The following TANC1 variants were observed in gnomAD, a reference collection of about 807,000 sequenced individuals.
TANC1 encodes the protein protein TANC1.
A neutral mutation model predicts 149.7 loss-of-function variants in TANC1; 77 were observed. That is an observed-to-expected ratio of 0.51 (90% CI 0.43 to 0.62). The LOEUF is 0.62. Among genes scored for constraint, TANC1 ranks in the 20% least tolerant of loss-of-function variants. The pLI is 0.00. For synonymous variants in TANC1, 854 were observed against 925.0 expected (o/e 0.92, Z 1.39); for missense variants, 1,985 against 2,321.8 (o/e 0.85, Z 2.98).
At position 159,058,506 on chromosome 2, in the gene TANC1, C is replaced by T. The variant is rs545790743; in HGVS notation, c.-15-7390C>T. 2.6e-5 allele frequency among the ~76,000 whole-genome samples: 4 copies of T among 152,218 alleles called. No individual in the cohort carries two copies. In the South Asian group the frequency reaches 8.3e-4, roughly 32 times the overall value. On this transcript the variant is annotated intron_variant, in intron 2 of 26. Coordinates refer to ENST00000263635, the MANE Select transcript of TANC1 (RefSeq NM_033394.3). Reference sequence around the variant, plus strand: ...TGTGTGTAAGGTACATTGCTAGATGCCATGGGGGATTTGTGGAGTTCAACA... The same window carrying T: ...TGTGTGTAAGGTACATTGCTAGATGTCATGGGGGATTTGTGGAGTTCAACA...
chr2:159,042,745 A>G (rs1433721323), intron 2 of TANC1, among the ~76,000 whole-genome samples: 1 of 151,978 alleles, frequency 6.6e-6, no homozygotes, highest in African/African-American at 2.4e-5. Flanking sequence ...AGGGGGTTTC[A>G]GGTTGAGGGA....
In TANC1 at chr2:159,174,862, G is replaced by T. The variant is rs140004068; in HGVS notation, c.1504-91G>T. 8.4e-6 allele frequency: 8 copies of T among 957,086 alleles called. No individual in the cohort carries two copies. In the African/African-American group the frequency reaches 1.3e-4, roughly 15 times the overall value. 59.3% of individuals were successfully genotyped at this position (957,086 alleles called of 1,614,324 possible). A position where few individuals can be genotyped will look rare whatever the true frequency, so the allele number is the denominator to read the frequency against. ...ATAGATGCTATGTATCTTGTTACCA[G>T]CGAATGGGCAGAGTTGTGTTCCTGT... On this transcript the variant is annotated intron_variant, in intron 11 of 26. Transcript: ENST00000263635.
At chr2:159,175,679 G>A (rs1243284057) in intron 12 of TANC1, among the ~76,000 whole-genome samples, 2 of 152,186 alleles carry the variant, frequency 1.3e-5, no homozygotes, top group African/African-American at 4.8e-5. Context: ...GGGCCCTTCA[G>A]TTTCCCATCC....
At chr2:158,980,595 T>A (rs1292615171) in intron 1 of TANC1, among the ~76,000 whole-genome samples, 3 of 151,942 alleles carry the variant, frequency 2.0e-5, no homozygotes, top group Non-Finnish European at 4.4e-5. Context: ...GCTAACACGG[T>A]GAAACCCCGT....
chr2:159,136,047 T>TGTGTGTGTGTGTGTGTGTGTGTGA, intron 4 of TANC1, 147 bp from the exon 5 acceptor site: 2 of 210,232 alleles, frequency 9.5e-6, no homozygotes, highest in Non-Finnish European at 1.8e-5. Context: ...TGTGTGTGTG[T>TGTGTGTGTGTGTGTGTGTGTGTGA]GTGCGCGCGC....
chr2:159,062,973 C>CCAAAAAAAAAAAAAAAAAAAAA (rs770866772), intron 2 of TANC1, among the ~76,000 whole-genome samples: 4 of 41,206 alleles, frequency 9.7e-5, no homozygotes, highest in Non-Finnish European at 2.1e-4. Context: ...GACTCCGTCT[C>CCAAAAAAAAAAAAAAAAAAAAA]AAAAAAAAAA....
intron 2 of TANC1, among the ~76,000 whole-genome samples, chr2:159,030,315 AT>A (rs2039675887): frequency 6.6e-6 from 1 of 152,216 alleles, no homozygotes; most frequent in Admixed American, 6.5e-5. Flanking sequence ...TACAAAAATA[AT>A]CTTTGACCAG....
intron 4 of TANC1, among the ~76,000 whole-genome samples, chr2:159,122,886 T>G (rs2049006513): frequency 6.6e-6 from 1 of 152,108 alleles, no homozygotes; most frequent in South Asian, 2.1e-4. Flanking sequence ...TATATTTTGT[T>G]TTTTAAGTTT....
Position 159,104,226 on chromosome 2 carries a change from A to G in TANC1, c.259+6392A>G, listed in dbSNP as rs1463090790. On this transcript the variant is annotated intron_variant, in intron 4 of 26. Transcript: ENST00000263635. ...ACGTGACGCACAGATTTTCTGTTGT[A>G]CTTGAACATGTGTTCATACATAGAA... Among the ~76,000 whole-genome samples, 3 of 96,104 alleles carry G rather than the reference A, an allele frequency of 3.1e-5. 1 individual carries two copies. Among genetic ancestry groups the G allele is most frequent in the African/African-American group, 8.7e-5 (3 of 34,662 alleles). The allele number at this position is 96,104 out of a possible 152,430, so 63.0% of individuals were successfully genotyped here.
intron 1 of TANC1, among the ~76,000 whole-genome samples, chr2:158,971,825 C>G (rs1169493833): frequency 2.0e-5 from 3 of 152,152 alleles, no homozygotes; most frequent in African/African-American, 7.2e-5. Flanking sequence ...TTTGAATAAA[C>G]CAAGGCCTAG....
rs551342699 is a variant in TANC1 at position 159,061,281 on chromosome 2, AC to A, written c.-15-4609del. 2.8e-3 allele frequency among the ~76,000 whole-genome samples: 425 copies of A among 152,184 alleles called. 1 individual carries two copies. The highest frequency in any genetic ancestry group is 9.6e-3 in the African/African-American group (398 of 41,534). On this transcript the variant is annotated intron_variant, in intron 2 of 26. Transcript: ENST00000263635. ...CTTTTGTTGGGGCTCAGGACAGGAT[AC>A]CCCCCAATATGGCACCTTGGCATAT... is the stretch of plus-strand genomic sequence containing the variant.
intron 16 of TANC1, among the ~76,000 whole-genome samples, chr2:159,193,233 G>A (rs773568844): frequency 2.6e-5 from 4 of 152,084 alleles, no homozygotes; most frequent in Admixed American, 2.0e-4. Context: ...GTTCTTTTGC[G>A]TCTGGCTTGC....
At chr2:159,010,393 C>G (rs1393708015) in intron 2 of TANC1, among the ~76,000 whole-genome samples, 1 of 152,072 alleles carries the variant, frequency 6.6e-6, no homozygotes, top group African/African-American at 2.4e-5. Context: ...TCTGGGGTTG[C>G]TAGGAGTCCT....
At chr2:159,007,134 T>A (rs937508932) in intron 2 of TANC1, among the ~76,000 whole-genome samples, 7 of 146,082 alleles carry the variant, frequency 4.8e-5, no homozygotes, top group Non-Finnish European at 1.1e-4. Flanking sequence ...TTATCTTTAA[T>A]ACTGTTTTTT....
chr2:159,133,088 GAAAT>G (rs1204828720), intron 4 of TANC1, among the ~76,000 whole-genome samples: 1 of 152,168 alleles, frequency 6.6e-6, no homozygotes, highest in Non-Finnish European at 1.5e-5. Context: ...TTGGAGCTTG[GAAAT>G]AGATCTCTTT....
At chr2:159,189,447 C>T (rs547488878) in intron 16 of TANC1, among the ~76,000 whole-genome samples, 144 of 152,224 alleles carry the variant, frequency 9.5e-4, no homozygotes, top group African/African-American at 3.3e-3. Context: ...GAGTTCTTGT[C>T]GTTTCTGAAG....
intron 3 of TANC1, among the ~76,000 whole-genome samples, chr2:159,081,028 A>G (rs2044219307): frequency 6.6e-6 from 1 of 152,184 alleles, no homozygotes; most frequent in Admixed American, 6.5e-5. Flanking sequence ...CCAGCAAGCC[A>G]TGTCCCACCA....
At chr2:159,109,428 G>T (rs894481298) in intron 4 of TANC1, among the ~76,000 whole-genome samples, 1 of 152,152 alleles carries the variant, frequency 6.6e-6, no homozygotes, top group Non-Finnish European at 1.5e-5. Context: ...TGGGGCCTTT[G>T]GGAGGTGATT....
chr2:158,979,826 GA>G (rs1354289492), intron 1 of TANC1, among the ~76,000 whole-genome samples: 1 of 152,152 alleles, frequency 6.6e-6, no homozygotes, highest in Non-Finnish European at 1.5e-5. Flanking sequence ...CCATTTCAAA[GA>G]ACTTTTGCAG....
Sources: gnomAD v4.1 joint callset for allele counts (sites outside exome capture counted in the v4.1 genomes callset) on GRCh38, gnomAD v4.1.1 for gene constraint, MANE v1.5 for transcripts, NCBI Gene and HGNC (gene_info 2026-07-23, HGNC 2026-07-21) for gene names.